Variants in PANK2 observed in about 807,000 individuals in gnomAD.
PANK2 encodes pantothenate kinase 2, also known as pantothenate kinase 2, mitochondrial.
PANK2 carries 36 observed loss-of-function variants against 43.1 expected under a neutral mutation model. The ratio of observed to expected loss-of-function variants is 0.84; its 90% confidence interval spans 0.64 to 1.10. The LOEUF (loss-of-function observed/expected upper bound fraction) is 1.10. PANK2 is among the 50% of genes least tolerant of loss of function. The pLI is 0.00. For synonymous variants in PANK2, 281 were observed against 238.2 expected (o/e 1.18, Z -1.66); for missense variants, 576 against 593.3 (o/e 0.97, Z 0.30).
At chr20:3,889,023 C>T, upstream of PANK2, 1 of 1,220,536 alleles carries the variant, frequency 8.2e-7, no homozygotes, top group South Asian at 1.5e-5. Flanking sequence ...CGGGGTGGGA[C>T]TCGGGGTCGC....
In PANK2 at chr20:3,910,438, C is replaced by G. The variant is rs995515918; in HGVS notation, c.652-139C>G. 60 of 962,752 alleles carry G rather than the reference C, an allele frequency of 6.2e-5. No homozygotes were observed. The African/African-American group carries it at 9.0e-4, about 14-fold the overall frequency. The allele number at this position is 962,752 out of a possible 1,614,324, so 59.6% of individuals were successfully genotyped here. On this transcript the variant is annotated intron_variant, in intron 2 of 6. Transcript: ENST00000610179. ...CCCTAGGTTTGCTCCTAAATCTGTT[C>G]TGTAAAGCATGCACAAATAATACAC... is the stretch of plus-strand genomic sequence containing the variant.
intron 4 of PANK2, among the ~76,000 whole-genome samples, chr20:3,916,416 G>A (rs2090560797): frequency 6.6e-6 from 1 of 152,170 alleles, no homozygotes; most frequent in African/African-American, 2.4e-5. Flanking sequence ...AATTATTGTA[G>A]CAGTTCTGCT....
At chr20:3,889,964 C>G (rs1266617956) in intron 1 of PANK2, 1 of 1,510,194 alleles carries the variant, frequency 6.6e-7, no homozygotes, top group Non-Finnish European at 8.9e-7. Context: ...GAGTGGAGGG[C>G]TTTTCCCCAG....
At chr20:3,914,193 C>A (rs1022485441) in intron 4 of PANK2, among the ~76,000 whole-genome samples, 1 of 152,018 alleles carries the variant, frequency 6.6e-6, no homozygotes, top group Non-Finnish European at 1.5e-5. Context: ...ACACTGTTTT[C>A]CAAAGTGGCA....
chr20:3,889,917 C>T (rs1312257723), intron 1 of PANK2, 189 bp downstream of exon 1: 3 of 1,531,892 alleles, frequency 2.0e-6, no homozygotes, highest in Middle Eastern at 1.7e-4. Flanking sequence ...CTTCGGGGGC[C>T]CCCCCGCACC....
Position 3,901,662 on chromosome 20 carries a change from A to G in PANK2, c.299-6264A>G, listed in dbSNP as rs368794083. ...ATTGCTTATTTTTGTAAAAGTCAGTACTTTTGTTTATTTCTTAAAGCTCTT... is the reference window on the plus strand; with the variant it reads ...ATTGCTTATTTTTGTAAAAGTCAGTGCTTTTGTTTATTTCTTAAAGCTCTT... On this transcript the variant is annotated intron_variant, in intron 1 of 6. Coordinates refer to ENST00000610179, the MANE Select transcript of PANK2 (RefSeq NM_001386393.1). 7.3e-5 allele frequency: 67 copies of G among 915,508 alleles called. No individual in the cohort carries two copies. The East Asian group carries it at 2.6e-3, about 36-fold the overall frequency. The allele number at this position is 915,508 out of a possible 1,614,324, so 56.7% of individuals were successfully genotyped here. A position where few individuals can be genotyped will look rare whatever the true frequency, so the allele number is the denominator to read the frequency against.
At chr20:3,889,225 C>T, upstream of PANK2, 2 of 1,613,142 alleles carry the variant, frequency 1.2e-6, no homozygotes, top group South Asian at 2.2e-5. Context: ...ACCCTCTCCC[C>T]GCCCCGTCAC....
intron 1 of PANK2, among the ~76,000 whole-genome samples, chr20:3,897,152 G>A (rs969674779): frequency 1.3e-5 from 2 of 151,966 alleles, no homozygotes; most frequent in African/African-American, 2.4e-5. Flanking sequence ...TGTGTTGATC[G>A]TTGCTGTGGT....
chr20:3,920,409 C>T (rs544278642), intron 6 of PANK2, among the ~76,000 whole-genome samples: 27 of 152,128 alleles, frequency 1.8e-4, no homozygotes, highest in African/African-American at 6.3e-4. Flanking sequence ...CCCAGCTACT[C>T]GGGAGGCTGA....
intron 1 of PANK2, among the ~76,000 whole-genome samples, chr20:3,900,803 C>G (rs186108607): frequency 5.3e-5 from 8 of 151,928 alleles, no homozygotes; most frequent in African/African-American, 1.7e-4. Flanking sequence ...AAGTCTTGCT[C>G]TGTCGCCTAG....
intron 1 of PANK2, among the ~76,000 whole-genome samples, chr20:3,896,682 A>G (rs1384868150): frequency 1.3e-5 from 2 of 152,160 alleles, no homozygotes; most frequent in South Asian, 2.1e-4. Context: ...TGAAGCCTCC[A>G]TTAAAAACCC....
chr20:3,906,934 G>A (rs2090395927), intron 1 of PANK2, among the ~76,000 whole-genome samples: 1 of 151,842 alleles, frequency 6.6e-6, no homozygotes, highest in Non-Finnish European at 1.5e-5. Flanking sequence ...GAGTAGCTGG[G>A]ACTACAAGCG....
At chr20:3,890,295 C>T (rs1035575863) in intron 1 of PANK2, among the ~76,000 whole-genome samples, 1 of 152,106 alleles carries the variant, frequency 6.6e-6, no homozygotes, top group Admixed American at 6.6e-5. Context: ...CCACATATCC[C>T]CTCCGTTTTC....
chr20:3,913,997 GC>G (rs1331496114), intron 4 of PANK2, among the ~76,000 whole-genome samples: 2 of 151,440 alleles, frequency 1.3e-5, no homozygotes, highest in Admixed American at 6.6e-5. Context: ...CACTATGTTG[GC>G]CAGGATGGTC....
At chr20:3,901,499 C>G in intron 1 of PANK2, 4 of 550,244 alleles carry the variant, frequency 7.3e-6, no homozygotes, top group Non-Finnish European at 6.9e-6. Context: ...CTTCTATATT[C>G]TTGTGTAGAA....
chr20:3,890,058 C>T (rs951819124), intron 1 of PANK2: 12 of 682,352 alleles, frequency 1.8e-5, no homozygotes, highest in Non-Finnish European at 2.5e-5. Flanking sequence ...CTTCTTTTGA[C>T]TCATTTCCAC....
At chr20:3,919,842 A>G (rs1232225643) in intron 6 of PANK2, among the ~76,000 whole-genome samples, 1 of 152,240 alleles carries the variant, frequency 6.6e-6, no homozygotes, top group Non-Finnish European at 1.5e-5. Flanking sequence ...AAGTCCAGAT[A>G]ATAGCACAGA....
chr20:3,906,286 T>A (rs1197102538), intron 1 of PANK2, among the ~76,000 whole-genome samples: 2 of 152,150 alleles, frequency 1.3e-5, no homozygotes, highest in East Asian at 3.9e-4. Context: ...TAGGTGGGTG[T>A]GGTGGCATGC....
chr20:3,893,798 T>C (rs2090160087), intron 1 of PANK2, among the ~76,000 whole-genome samples: 1 of 152,166 alleles, frequency 6.6e-6, no homozygotes, highest in African/African-American at 2.4e-5. Flanking sequence ...GCTGCCTTTA[T>C]TAGGCTCAGC....
Sources: allele counts gnomAD v4.1 joint callset (sites outside exome capture counted in the v4.1 genomes callset), GRCh38; gene constraint gnomAD v4.1.1; transcripts MANE v1.5; gene names NCBI Gene and HGNC (gene_info 2026-07-23, HGNC 2026-07-21).